Variants in ZNF660 observed in about 807,000 individuals in gnomAD.
ZNF660 encodes zinc finger protein 660.
ZNF660 carries 24 observed loss-of-function variants against 23.2 expected under a neutral mutation model. The observed-to-expected ratio is 1.04, with a 90% CI of 0.75 to 1.46. ZNF660 has a LOEUF of 1.46. ZNF660 is among the 40% of genes most tolerant of loss of function. The probability of loss-of-function intolerance (pLI) is 0.00; values close to 1 mark genes in which losing one functional copy is unlikely to be tolerated. For synonymous variants in ZNF660, 117 were observed against 131.4 expected (o/e 0.89, Z 0.75); for missense variants, 373 against 396.8 (o/e 0.94, Z 0.51).
In ZNF660 at chr3:44,595,014, A is replaced by G. The variant is rs1273931323; in HGVS notation, c.821A>G (p.Tyr274Cys). 1 of 1,614,052 alleles carries G rather than the reference A, an allele frequency of 6.2e-7. No homozygotes were observed. Among genetic ancestry groups the G allele is most frequent in the South Asian group, 1.1e-5 (1 of 91,076 alleles). The change falls in exon 3 of 3, where the codon TAT (tyrosine) becomes TGT (cysteine). Residue 274 changes from tyrosine to cysteine, a missense_variant. Transcript: ENST00000322734. ...AGAGTTCACACTGGAGAGAAACCCTATAAATGTAATGAATGTGGGAAAACC... is the reference window on the plus strand; with the variant it reads ...AGAGTTCACACTGGAGAGAAACCCTGTAAATGTAATGAATGTGGGAAAACC... ...HQRVHTGEKP[Y>C]KCNECGKTFR...
At chr3:44,593,078 A>G (rs1185684471) in intron 2 of ZNF660, among the ~76,000 whole-genome samples, 1 of 151,870 alleles carries the variant, frequency 6.6e-6, no homozygotes, top group Non-Finnish European at 1.5e-5. Flanking sequence ...ACTGGGTCCA[A>G]CTATAGGCCA....
chr3:44,594,781 G>A lies in ZNF660; in HGVS notation c.588G>A (p.Gly196=), dbSNP rs372686241. ...AAGTTTACAAATGTAAGGAGTGTGG[G>A]AAAACATGTGGTTCTAATACAAAGA... The part of the protein sequence containing the change: ...GKKVYKCKEC[G]KTCGSNTKIM... The change falls in exon 3 of 3, where the codon GGG becomes GGA. Residue 196 remains glycine (G), a synonymous_variant. Coordinates refer to ENST00000322734, the MANE Select transcript of ZNF660 (RefSeq NM_173658.4). 48 of 1,613,954 alleles carry A rather than the reference G, an allele frequency of 3.0e-5. No homozygotes were observed. Among genetic ancestry groups the A allele is most frequent in the Non-Finnish European group, 3.9e-5 (46 of 1,180,004 alleles).
Position 44,599,184 on chromosome 3 carries a change from C to T in ZNF660, c.*3995C>T, listed in dbSNP as rs946517575. The T allele has an allele frequency of 6.6e-6, 1 of 152,102 alleles. No homozygotes were observed. Among genetic ancestry groups the T allele is most frequent in the African/African-American group, 2.4e-5 (1 of 41,396 alleles). 9.4% of individuals were successfully genotyped at this position (152,102 alleles called of 1,614,324 possible). ...GAATATAAAGAGGCAATAATTTTAG[C>T]CACAGACATCCTGGTTATATAGAAT... On this transcript the variant is annotated 3_prime_UTR_variant, in exon 3 of 3. Coordinates refer to ENST00000322734, the MANE Select transcript of ZNF660 (RefSeq NM_173658.4).
intron 2 of ZNF660, 71 bp from the exon 3 acceptor site, chr3:44,593,943 G>T (rs1575407088): frequency 1.7e-6 from 1 of 587,628 alleles, no homozygotes; most frequent in East Asian, 3.8e-5. Flanking sequence ...ACCACATCTT[G>T]TCCGTGGATA....
In ZNF660 at chr3:44,599,387, G is replaced by A. The variant is rs976232810; in HGVS notation, c.*4198G>A. 1 of 152,150 alleles carries A rather than the reference G, an allele frequency of 6.6e-6. No homozygotes were observed. Among genetic ancestry groups the A allele is most frequent in the Non-Finnish European group, 1.5e-5 (1 of 68,040 alleles). 9.4% of individuals were successfully genotyped at this position (152,150 alleles called of 1,614,324 possible). ...TTCATAGATGGTGCGTCCTGTGTTA[G>A]GTATTACTTGGAAGAAAATTGAAGT... On this transcript the variant is annotated 3_prime_UTR_variant, in exon 3 of 3. Transcript: ENST00000322734.
chr3:44,592,610 T>C (rs994095201), intron 2 of ZNF660, among the ~76,000 whole-genome samples: 5 of 152,218 alleles, frequency 3.3e-5, no homozygotes, highest in African/African-American at 1.2e-4. Context: ...TTTACTATTA[T>C]GCCATGCAAG....
At position 44,597,159 on chromosome 3, in the gene ZNF660, CA is replaced by C. The variant is rs1322191814; in HGVS notation, c.*1971del. The stretch of plus-strand genomic sequence containing the variant: ...AGTTGTCGGAGCCAGGATTTGAGCT[CA>C]GATCTGACTTTGAAATTCATGCTTT... On this transcript the variant is annotated 3_prime_UTR_variant, in exon 3 of 3. Coordinates refer to ENST00000322734, the MANE Select transcript of ZNF660 (RefSeq NM_173658.4). This position sits in a 1 kb window ranked among gnomAD's most constrained non-coding sequence, Gnocchi z 4.1. 2 of 152,178 alleles carry C rather than the reference CA, an allele frequency of 1.3e-5. No individual in the cohort carries two copies. The highest frequency in any genetic ancestry group is 4.8e-5 in the African/African-American group (2 of 41,444). The allele number at this position is 152,178 out of a possible 1,614,324, so 9.4% of individuals were successfully genotyped here.
intron 2 of ZNF660, among the ~76,000 whole-genome samples, chr3:44,588,722 C>A (rs2125745973): frequency 6.6e-6 from 1 of 152,270 alleles, no homozygotes; most frequent in Non-Finnish European, 1.5e-5. Context: ...CCTCCCACCT[C>A]ACCCTACCAA....
intron 2 of ZNF660, among the ~76,000 whole-genome samples, chr3:44,591,980 A>G (rs1024981499): frequency 1.3e-5 from 2 of 152,254 alleles, no homozygotes; most frequent in African/African-American, 4.8e-5. Flanking sequence ...CCTGGGCAAC[A>G]GAGCGAGCCT....
At position 44,594,690 on chromosome 3, in the gene ZNF660, A is replaced by C; in HGVS notation, c.497A>C (p.Glu166Ala). ...GGAGAGAAGCCCTATTCTTGTATTG[A>C]GTGTGGGAAAGCCTTTAGCCGTAGT... Reference protein sequence around the residue: ...HTGEKPYSCIECGKAFSRSSN... With the variant: ...HTGEKPYSCIACGKAFSRSSN... The change falls in exon 3 of 3, where the codon GAG becomes GCG. Residue 166 changes from glutamate to alanine, a missense_variant. Physicochemically the swap from Glu to Ala is moderately radical, Grantham distance 107 (BLOSUM62 -1). Transcript: ENST00000322734. The C allele has an allele frequency of 1.9e-6, 3 of 1,614,188 alleles. No homozygotes were observed. The highest frequency in any genetic ancestry group is 2.5e-6 in the Non-Finnish European group (3 of 1,180,038).
rs147042905 is a variant in ZNF660 at position 44,594,411 on chromosome 3, C to A, written c.218C>A (p.Thr73Lys). ...ANLTVHERIH[T>K]GEKPYKCKEC... The stretch of plus-strand genomic sequence containing the variant: ...CTCACAGTACATGAGCGAATCCACA[C>A]GGGAGAGAAACCCTATAAGTGTAAG... The change falls in exon 3 of 3, where the codon ACG (threonine) becomes AAG (lysine). Residue 73 changes from threonine (T) to lysine (K), a missense_variant. By Grantham distance (78) the Thr-to-Lys change is moderately conservative. Transcript: ENST00000322734. 6.2e-7 allele frequency: 1 copy of A among 1,613,226 alleles called. No homozygotes were observed. The highest frequency in any genetic ancestry group is 8.5e-7 in the Non-Finnish European group (1 of 1,179,792).
Position 44,594,672 on chromosome 3 carries a change from A to T in ZNF660, c.479A>T (p.Lys160Met), listed in dbSNP as rs1341415887. 3 of 1,613,634 alleles carry T rather than the reference A, an allele frequency of 1.9e-6. No homozygotes were observed. Among genetic ancestry groups the T allele is most frequent in the Non-Finnish European group, 2.5e-6 (3 of 1,179,948 alleles). Residue 160 changes from lysine to methionine, a missense_variant, in exon 3 of 3, where the codon AAG becomes ATG. Coordinates refer to ENST00000322734, the MANE Select transcript of ZNF660 (RefSeq NM_173658.4). ...CATCACAGAGTTCACACCGGAGAGA[A>T]GCCCTATTCTTGTATTGAGTGTGGG... is the stretch of plus-strand genomic sequence containing the variant. ...ISHHRVHTGE[K>M]PYSCIECGKA...
chr3:44,592,054 C>T (rs1700447084), intron 2 of ZNF660, among the ~76,000 whole-genome samples: 1 of 151,968 alleles, frequency 6.6e-6, no homozygotes, highest in Non-Finnish European at 1.5e-5. Flanking sequence ...TCAAAGGATA[C>T]AAAAATTCTG....
At chr3:44,592,540 T>G (rs928498426) in intron 2 of ZNF660, among the ~76,000 whole-genome samples, 2 of 152,224 alleles carry the variant, frequency 1.3e-5, no homozygotes, top group East Asian at 3.9e-4. Flanking sequence ...TTTGGTTTCA[T>G]GTATTGGCAC....
chr3:44,586,810 G>C (rs1393125148), intron 2 of ZNF660: 1 of 152,190 alleles, frequency 6.6e-6, no homozygotes, highest in Non-Finnish European at 1.5e-5. Flanking sequence ...AAACAATGCT[G>C]ACTGAGCCCT....
chr3:44,595,235 A>G lies in ZNF660; in HGVS notation c.*46A>G. On this transcript the variant is annotated 3_prime_UTR_variant, in exon 3 of 3. Transcript: ENST00000322734. ...TAGGGCTGACTGCTGCTTTTCTAAA[A>G]AGTAGTTCTTTAGTATCAACTTTAA... The G allele has an allele frequency of 6.7e-7, 1 of 1,500,420 alleles. No individual in the cohort carries two copies. Among genetic ancestry groups the G allele is most frequent in the African/African-American group, 1.4e-5 (1 of 71,672 alleles). The allele number at this position is 1,500,420 out of a possible 1,614,324, so 92.9% of individuals were successfully genotyped here.
rs1575412071 is a variant in ZNF660, at chr3:44,596,977, A to G, written c.*1788A>G. ...GAATCTCCCTATTTTTAACTCAGCC[A>G]TTCCTCTGTGTATACAGTGAATCCC... On this transcript the variant is annotated 3_prime_UTR_variant, in exon 3 of 3. Coordinates refer to ENST00000322734, the MANE Select transcript of ZNF660 (RefSeq NM_173658.4). 1 of 152,190 alleles carries G rather than the reference A, an allele frequency of 6.6e-6. No homozygotes were observed. Among genetic ancestry groups the G allele is most frequent in the Non-Finnish European group, 1.5e-5 (1 of 68,038 alleles). The allele number at this position is 152,190 out of a possible 1,614,324, so 9.4% of individuals were successfully genotyped here.
At chr3:44,592,945 C>T (rs959751027) in intron 2 of ZNF660, among the ~76,000 whole-genome samples, 4 of 151,534 alleles carry the variant, frequency 2.6e-5, no homozygotes, top group Middle Eastern at 3.2e-3. Context: ...CCCAGCCACT[C>T]GGGAGGCTGA....
Position 44,594,711 on chromosome 3 carries a change from G to C in ZNF660, c.518G>C (p.Arg173Pro). 6.2e-7 allele frequency: 1 copy of C among 1,613,308 alleles called. No homozygotes were observed. The highest frequency in any genetic ancestry group is 8.5e-7 in the Non-Finnish European group (1 of 1,179,766). The change falls in exon 3 of 3, where the codon CGT becomes CCT. Residue 173 changes from arginine (R) to proline (P), a missense_variant. Coordinates refer to ENST00000322734, the MANE Select transcript of ZNF660 (RefSeq NM_173658.4). ...SCIECGKAFS[R>P]SSNLTQHQRM... ...ATTGAGTGTGGGAAAGCCTTTAGCC[G>C]TAGTTCAAACCTTACTCAACATCAG...
Sources: gnomAD v4.1 joint callset for allele counts (sites outside exome capture counted in the v4.1 genomes callset) on GRCh38, gnomAD v4.1.1 for gene constraint, Gnocchi (gnomAD v3.1) non-coding constraint, MANE v1.5 for transcripts, NCBI Gene and HGNC (gene_info 2026-07-23, HGNC 2026-07-21) for gene names.